Variants in PCDHGA5 observed in about 807,000 individuals in gnomAD.
The protein encoded by PCDHGA5 is protocadherin gamma subfamily A, 5, also known as protocadherin gamma-A5.
PCDHGA5 carries 36 observed loss-of-function variants against 56.7 expected under a neutral mutation model. The ratio of observed to expected loss-of-function variants is 0.64; its 90% CI spans 0.49 to 0.84. The LOEUF (loss-of-function observed/expected upper bound fraction) is 0.84. Ranked by LOEUF, PCDHGA5 falls within the 40% of genes least tolerant of loss-of-function variation. PCDHGA5 has a pLI of 0.00. For synonymous variants in PCDHGA5, 563 were observed against 520.2 expected (o/e 1.08, Z -1.12); for missense variants, 1,305 against 1,201.5 (o/e 1.09, Z -1.27).
In PCDHGA5 at chr5:141,486,001, C is replaced by T. The variant is rs771993915; in HGVS notation, c.2422-8806C>T. ...ACCCGGACCTGGGTCCCAGTGGTAA[C>T]GTCACCTTTTATTTCAGTGGTCATA... On this transcript the variant is annotated intron_variant, in intron 1 of 3. Coordinates refer to ENST00000518069, the MANE Select transcript of PCDHGA5 (RefSeq NM_018918.3). This position sits in a 1 kb window ranked among gnomAD's most constrained non-coding sequence, Gnocchi z 5.0. The T allele has an allele frequency of 2.5e-6, 4 of 1,614,076 alleles. No homozygotes were observed. The highest frequency in any genetic ancestry group is 8.5e-7 in the Non-Finnish European group (1 of 1,180,032).
At chr5:141,382,942 C>A (rs763091165) in intron 1 of PCDHGA5, 5 of 1,595,522 alleles carry the variant, frequency 3.1e-6, no homozygotes, top group Non-Finnish European at 4.3e-6. Flanking sequence ...AGGATTCTTC[C>A]TGCTCTCCAT....
chr5:141,439,171 C>T (rs948650584), intron 1 of PCDHGA5, among the ~76,000 whole-genome samples: 3 of 146,478 alleles, frequency 2.0e-5, no homozygotes, highest in Non-Finnish European at 3.0e-5. Context: ...CCAGCCTGGG[C>T]GACATAGTGA....
Position 141,431,388 on chromosome 5 carries a change from T to G in PCDHGA5, c.2422-63419T>G. 1 of 1,613,920 alleles carries G rather than the reference T, an allele frequency of 6.2e-7. No individual in the cohort carries two copies. The highest frequency in any genetic ancestry group is 8.5e-7 in the Non-Finnish European group (1 of 1,180,038). ...CGCGAAGAAAAGGCTGCTCACCACC[T>G]GGTCCTTACGGCCTCCGACGGGGGC... On this transcript the variant is annotated intron_variant, in intron 1 of 3. Transcript: ENST00000518069. The surrounding 1 kb of genome is among the most constrained non-coding windows in gnomAD (Gnocchi z 4.8).
chr5:141,383,435 C>T (rs749433529), intron 1 of PCDHGA5: 1 of 1,613,988 alleles, frequency 6.2e-7, no homozygotes, highest in Non-Finnish European at 8.5e-7. Context: ...CGCCACTTCT[C>T]CCTGGCTGTG....
chr5:141,389,766 C>T (rs1217222336), intron 1 of PCDHGA5: 2 of 1,613,060 alleles, frequency 1.2e-6, no homozygotes, highest in East Asian at 4.5e-5. Context: ...GCGCACAGCG[C>T]GTGCCTTAGG....
intron 1 of PCDHGA5, among the ~76,000 whole-genome samples, chr5:141,468,791 G>A (rs941787269): frequency 2.6e-5 from 4 of 151,954 alleles, no homozygotes; most frequent in East Asian, 3.9e-4. Context: ...GCGTGAACCC[G>A]GGAGGCGGAA....
Position 141,490,983 on chromosome 5 carries a change from C to T in PCDHGA5, c.2422-3824C>T. ...ACTCAGCCCCCCAGCGTCTCCCTCG[C>T]TCTGCTCCTCCTGGCTCCTTGGTCA... On this transcript the variant is annotated intron_variant, in intron 1 of 3. Transcript: ENST00000518069. The surrounding 1 kb of genome is among the most constrained non-coding windows in gnomAD (Gnocchi z 5.4). 2 of 1,614,120 alleles carry T rather than the reference C, an allele frequency of 1.2e-6. No individual in the cohort carries two copies. Among genetic ancestry groups the T allele is most frequent in the South Asian group, 2.2e-5 (2 of 91,082 alleles).
chr5:141,494,680 C>G (rs552351026), intron 1 of PCDHGA5, 127 bp from the exon 2 acceptor site: 2 of 1,560,096 alleles, frequency 1.3e-6, no homozygotes, highest in East Asian at 4.6e-5. Context: ...CCACCCCTGC[C>G]CCCTCTTAGT....
chr5:141,418,869 T>A (rs1261615662), intron 1 of PCDHGA5: 1 of 1,613,830 alleles, frequency 6.2e-7, no homozygotes, highest in Non-Finnish European at 8.5e-7. Flanking sequence ...ATTGTAGAAG[T>A]TGTAGACGAA....
intron 1 of PCDHGA5, chr5:141,385,537 T>A (rs1486400401): frequency 1.5e-6 from 2 of 1,341,418 alleles, no homozygotes; most frequent in Non-Finnish European, 1.9e-6. Flanking sequence ...ATTATGAATA[T>A]GTGGACTATC....
intron 1 of PCDHGA5, chr5:141,387,787 A>C (rs2091094069): frequency 6.1e-6 from 9 of 1,479,268 alleles, no homozygotes; most frequent in Non-Finnish European, 1.8e-6. Context: ...CTGGAACTGC[A>C]ACTAAAGTCC....
chr5:141,373,958 C>T, intron 1 of PCDHGA5: 1 of 917,866 alleles, frequency 1.1e-6, no homozygotes, highest in Non-Finnish European at 1.5e-6. Context: ...AAATTCTGAC[C>T]TGAAACGCTT....
In PCDHGA5 at chr5:141,419,332, C is replaced by T. The variant is rs1356380695; in HGVS notation, c.2421+52581C>T. On this transcript the variant is annotated intron_variant, in intron 1 of 3. Transcript: ENST00000518069. Reference sequence around the variant, plus strand: ...TCAACGGCCGTGTCTCCTACTCTCTCATTGCCAGCGACCTGGAGTCACGAA... The same window carrying T: ...TCAACGGCCGTGTCTCCTACTCTCTTATTGCCAGCGACCTGGAGTCACGAA... 3.7e-6 allele frequency: 6 copies of T among 1,613,832 alleles called. No individual in the cohort carries two copies. The Admixed American group carries it at 8.3e-5, about 22-fold the overall frequency.
intron 1 of PCDHGA5, among the ~76,000 whole-genome samples, chr5:141,436,538 A>G (rs1353206648): frequency 6.6e-6 from 1 of 152,194 alleles, no homozygotes; most frequent in Admixed American, 6.5e-5. Context: ...CAAGTTATTT[A>G]ATCTCTTTGA....
At chr5:141,496,236 C>T (rs1290509264) in intron 2 of PCDHGA5, among the ~76,000 whole-genome samples, 7 of 152,138 alleles carry the variant, frequency 4.6e-5, no homozygotes, top group Middle Eastern at 3.2e-3. Flanking sequence ...GAACCCCCTG[C>T]GGGCTGAAGG....
chr5:141,483,213 C>T (rs1343903817), intron 1 of PCDHGA5, among the ~76,000 whole-genome samples: 1 of 152,142 alleles, frequency 6.6e-6, no homozygotes, highest in Non-Finnish European at 1.5e-5. Flanking sequence ...ATATAGATGA[C>T]AGTCACTGCA....
In PCDHGA5 at chr5:141,491,759, G is replaced by A; in HGVS notation, c.2422-3048G>A. On this transcript the variant is annotated intron_variant, in intron 1 of 3. Coordinates refer to ENST00000518069, the MANE Select transcript of PCDHGA5 (RefSeq NM_018918.3). The surrounding 1 kb of genome is among the most constrained non-coding windows in gnomAD (Gnocchi z 6.9). ...GGGGGCGGCACTGGAGAAGCCGCCC[G>A]TCCTCATAAGGGATTGAACTTGCAT... 2 of 1,575,392 alleles carry A rather than the reference G, an allele frequency of 1.3e-6. No homozygotes were observed. The highest frequency in any genetic ancestry group is 1.9e-5 in the Admixed American group (1 of 52,640).
chr5:141,450,107 A>G (rs1228532939), intron 1 of PCDHGA5, among the ~76,000 whole-genome samples: 3 of 150,976 alleles, frequency 2.0e-5, no homozygotes, highest in Non-Finnish European at 4.4e-5. Flanking sequence ...CCCAGGTTCA[A>G]ATGATTCTCC....
chr5:141,503,912 AAC>A lies in PCDHGA5; in HGVS notation c.2481-1471_2481-1470del, dbSNP rs34419983. Among the ~76,000 whole-genome samples, 284 of 152,278 alleles carry A rather than the reference AAC, an allele frequency of 1.9e-3. 1 individual carries two copies. The highest frequency in any genetic ancestry group is 0.014 in the Middle Eastern group (4 of 292). Reference sequence around the variant, plus strand: ...GACAAAATATGCACACACACAACGCAACACACACACAGACATTTTCATGCCTT... The same window carrying A: ...GACAAAATATGCACACACACAACGCAACACACACAGACATTTTCATGCCTT... On this transcript the variant is annotated intron_variant, in intron 2 of 3. Coordinates refer to ENST00000518069, the MANE Select transcript of PCDHGA5 (RefSeq NM_018918.3).
Sources: gnomAD v4.1 joint callset for allele counts (sites outside exome capture counted in the v4.1 genomes callset) on GRCh38, gnomAD v4.1.1 for gene constraint, Gnocchi (gnomAD v3.1) non-coding constraint, MANE v1.5 for transcripts, NCBI Gene and HGNC (gene_info 2026-07-23, HGNC 2026-07-21) for gene names.